PLD1: variants seen among roughly 807,000 people sequenced by gnomAD.
PLD1 encodes the protein phospholipase D1.
In PLD1, 112 loss-of-function variants were observed where a neutral mutation model predicts 137.1. The ratio of observed to expected loss-of-function variants is 0.82; its 90% CI spans 0.70 to 0.96. PLD1 has a LOEUF of 0.96. Ranked by LOEUF, PLD1 falls within the 40% of genes least tolerant of loss-of-function variation. The pLI is 0.00. For synonymous variants in PLD1, 431 were observed against 454.7 expected (o/e 0.95, Z 0.66); for missense variants, 1,321 against 1,342.0 (o/e 0.98, Z 0.24).
intron 1 of PLD1, chr3:171,788,912 A>G (rs1329143088): frequency 1.3e-5 from 2 of 152,198 alleles, no homozygotes; most frequent in Non-Finnish European, 2.9e-5. Flanking sequence ...TTTGAACTGT[A>G]TTCCTTTACT....
At chr3:171,630,175 C>A (rs1321679169) in intron 23 of PLD1, among the ~76,000 whole-genome samples, 7 of 149,388 alleles carry the variant, frequency 4.7e-5, no homozygotes, top group Non-Finnish European at 7.5e-5. Flanking sequence ...AAGAAAAAAA[C>A]AAACAACCCC....
At chr3:171,641,456 AT>A (rs1735734179) in intron 23 of PLD1, among the ~76,000 whole-genome samples, 1 of 152,124 alleles carries the variant, frequency 6.6e-6, no homozygotes. Flanking sequence ...AAAGTCTATT[AT>A]TTTCTACCCA....
At chr3:171,765,330 GT>G (rs1390364188) in intron 1 of PLD1, 1 of 152,166 alleles carries the variant, frequency 6.6e-6, no homozygotes, top group Non-Finnish European at 1.5e-5. Flanking sequence ...TGTGTGTAAA[GT>G]AAGCTTGTAC....
chr3:171,742,865 C>CA (rs1177876180), intron 1 of PLD1, among the ~76,000 whole-genome samples: 1 of 152,088 alleles, frequency 6.6e-6, no homozygotes, highest in East Asian at 1.9e-4. Context: ...ATGATATTAA[C>CA]ATATTTTACA....
At chr3:171,625,084 A>G (rs937626550) in intron 23 of PLD1, among the ~76,000 whole-genome samples, 1 of 152,140 alleles carries the variant, frequency 6.6e-6, no homozygotes, top group Non-Finnish European at 1.5e-5. Flanking sequence ...AAACCCTGAG[A>G]GTTCCCCTTC....
At chr3:171,728,840 T>C (rs1424102730) in intron 6 of PLD1, among the ~76,000 whole-genome samples, 1 of 152,168 alleles carries the variant, frequency 6.6e-6, no homozygotes, top group African/African-American at 2.4e-5. Context: ...AAATTGAAAG[T>C]TACACATTAA....
intron 1 of PLD1, among the ~76,000 whole-genome samples, chr3:171,766,357 T>C (rs1381150377): frequency 6.6e-6 from 1 of 152,128 alleles, no homozygotes. Flanking sequence ...TAGAAAAGTA[T>C]AAGAAGAAAA....
intron 19 of PLD1, among the ~76,000 whole-genome samples, chr3:171,667,967 G>A (rs928871492): frequency 1.3e-5 from 2 of 152,174 alleles, no homozygotes; most frequent in African/African-American, 4.8e-5. Context: ...GGCCACGCTG[G>A]TTTCGAACTC....
intron 1 of PLD1, among the ~76,000 whole-genome samples, chr3:171,762,840 T>G (rs1185489990): frequency 2.6e-5 from 4 of 151,986 alleles, no homozygotes; most frequent in Admixed American, 6.5e-5. Context: ...CTTGGGAGGG[T>G]AAGGGGGCAG....
At chr3:171,800,857 C>T (rs1723615870) in intron 1 of PLD1, among the ~76,000 whole-genome samples, 1 of 152,148 alleles carries the variant, frequency 6.6e-6, no homozygotes, top group Non-Finnish European at 1.5e-5. Context: ...CCCTCTCTGG[C>T]CTCTTTTATA....
intron 23 of PLD1, among the ~76,000 whole-genome samples, chr3:171,634,720 A>G (rs1734956286): frequency 6.6e-6 from 1 of 152,192 alleles, no homozygotes; most frequent in Non-Finnish European, 1.5e-5. Context: ...TAACTTGTCA[A>G]TATTTTAAAT....
chr3:171,725,845 C>T (rs1039278556), intron 7 of PLD1, among the ~76,000 whole-genome samples, 173 bp downstream of exon 7: 1 of 152,208 alleles, frequency 6.6e-6, no homozygotes. Context: ...CGTTGTTTAT[C>T]ACAGGAGATG....
At chr3:171,675,539 G>A (rs182108643) in intron 18 of PLD1, among the ~76,000 whole-genome samples, 11 of 152,246 alleles carry the variant, frequency 7.2e-5, no homozygotes, top group African/African-American at 2.6e-4. Flanking sequence ...TAGCATGTAT[G>A]AGCACACCAC....
chr3:171,721,575 A>G (rs1355582912), intron 8 of PLD1: 1 of 152,226 alleles, frequency 6.6e-6, no homozygotes, highest in Admixed American at 6.5e-5. Flanking sequence ...AGAATCACAA[A>G]TGCTTAAGGT....
At chr3:171,739,970 C>A (rs1275717124) in intron 1 of PLD1, among the ~76,000 whole-genome samples, 1 of 152,158 alleles carries the variant, frequency 6.6e-6, no homozygotes, top group African/African-American at 2.4e-5. Context: ...CAAACCCTAA[C>A]AGGAAGAATT....
chr3:171,701,438 T>C (rs542989140), intron 11 of PLD1, among the ~76,000 whole-genome samples: 1 of 152,366 alleles, frequency 6.6e-6, no homozygotes, highest in African/African-American at 2.4e-5. Flanking sequence ...AATTTTTTGA[T>C]GTGTACATTA....
At chr3:171,665,097 AT>A (rs1711974151) in intron 19 of PLD1, among the ~76,000 whole-genome samples, 1 of 152,160 alleles carries the variant, frequency 6.6e-6, no homozygotes. Flanking sequence ...CTCTGACTCA[AT>A]GAACTCATTC....
At chr3:171,639,844 C>CTATATATATATA (rs1365797079) in intron 23 of PLD1, among the ~76,000 whole-genome samples, 98 of 113,466 alleles carry the variant, frequency 8.6e-4, no homozygotes, top group African/African-American at 3.6e-3. Context: ...CTCTCTCTCT[C>CTATATATATATA]TCTCTATATA....
intron 13 of PLD1, among the ~76,000 whole-genome samples, chr3:171,690,921 G>T (rs770313156): frequency 2.0e-4 from 30 of 152,136 alleles, no homozygotes; most frequent in Non-Finnish European, 4.1e-4. Flanking sequence ...CTGAGAGTGA[G>T]ATGTTGAAGT....
Sources: gnomAD v4.1 joint callset for allele counts (sites outside exome capture counted in the v4.1 genomes callset) on GRCh38, gnomAD v4.1.1 for gene constraint, MANE v1.5 for transcripts, NCBI Gene and HGNC (gene_info 2026-07-23, HGNC 2026-07-21) for gene names.